SNX24: variants seen among roughly 807,000 people sequenced by gnomAD.
SNX24 encodes the protein sorting nexin-24.
Under a neutral mutation model 28.7 loss-of-function variants are expected in SNX24, and 22 were observed. That is an observed-to-expected ratio of 0.77 (90% confidence interval 0.55 to 1.10). The LOEUF is 1.10. SNX24 is among the 50% of genes least tolerant of loss of function. The probability of loss-of-function intolerance (pLI) is 0.00; values close to 1 mark genes in which losing one functional copy is unlikely to be tolerated. For missense variants in SNX24, 221 were observed against 201.1 expected, an observed-to-expected ratio of 1.10 and a Z score of -0.60; for synonymous variants, 69 against 71.5, an observed-to-expected ratio of 0.96 and a Z score of 0.18.
chr5:122,918,479 G>A (rs1172503299), intron 1 of SNX24, among the ~76,000 whole-genome samples: 1 of 152,104 alleles, frequency 6.6e-6, no homozygotes, highest in Non-Finnish European at 1.5e-5. Context: ...TATAACATTG[G>A]GTAGCACTTT....
chr5:122,988,319 G>A (rs532816764), intron 3 of SNX24, among the ~76,000 whole-genome samples: 3 of 152,264 alleles, frequency 2.0e-5, no homozygotes, highest in Admixed American at 6.5e-5. Flanking sequence ...TCAAAAACTT[G>A]ATCCTGAGAT....
At chr5:122,876,183 G>A (rs1484770784) in intron 1 of SNX24, among the ~76,000 whole-genome samples, 1 of 152,144 alleles carries the variant, frequency 6.6e-6, no homozygotes, top group East Asian at 1.9e-4. Flanking sequence ...AGATGAATAT[G>A]GGTAGGCAGT....
intron 1 of SNX24, among the ~76,000 whole-genome samples, chr5:122,894,767 T>C (rs1757129386): frequency 6.6e-6 from 1 of 152,228 alleles, no homozygotes; most frequent in Non-Finnish European, 1.5e-5. Flanking sequence ...AGTGGCGCAG[T>C]ACCTAGTAGG....
intron 1 of SNX24, among the ~76,000 whole-genome samples, chr5:122,869,712 C>T (rs980057442): frequency 1.3e-4 from 20 of 152,136 alleles, no homozygotes; most frequent in African/African-American, 4.3e-4. Flanking sequence ...TACGCTTTAT[C>T]TCATAATTTG....
chr5:122,933,622 A>G (rs1037688864), intron 1 of SNX24, among the ~76,000 whole-genome samples: 2 of 152,010 alleles, frequency 1.3e-5, no homozygotes, highest in Admixed American at 6.5e-5. Context: ...TATTTTGTGC[A>G]CTTATTTAAT....
chr5:122,855,402 C>G (rs1050829592), intron 1 of SNX24, among the ~76,000 whole-genome samples: 1 of 152,144 alleles, frequency 6.6e-6, no homozygotes, highest in African/African-American at 2.4e-5. Context: ...TTAAGTTTGC[C>G]CTATCAGTTG....
rs1758658088 is a variant in SNX24 at position 122,925,534 on chromosome 5, G to T, written c.61-11200G>T. ...CTGCTTTGGCCTCCCAAACTGCTGG[G>T]ATTAGAGATGTGAGCCACTGTGTCA... On this transcript the variant is annotated intron_variant, in intron 1 of 6. Transcript: ENST00000261369. Among the ~76,000 whole-genome samples, 3 of 152,118 alleles carry T rather than the reference G, an allele frequency of 2.0e-5. No individual in the cohort carries two copies. The South Asian group carries it at 6.2e-4, about 32-fold the overall frequency.
At chr5:122,933,681 T>A (rs886901847) in intron 1 of SNX24, among the ~76,000 whole-genome samples, 1 of 152,212 alleles carries the variant, frequency 6.6e-6, no homozygotes, top group Non-Finnish European at 1.5e-5. Context: ...TTACTCTATC[T>A]TGGCCAGAAG....
At chr5:122,964,385 A>C (rs147829417) in intron 3 of SNX24, among the ~76,000 whole-genome samples, 393 of 152,238 alleles carry the variant, frequency 2.6e-3, no homozygotes, top group Middle Eastern at 0.014. Context: ...GCATGTAGTA[A>C]GTAGAGGTAT....
At chr5:122,909,086 T>C (rs1049862151) in intron 1 of SNX24, among the ~76,000 whole-genome samples, 3 of 152,180 alleles carry the variant, frequency 2.0e-5, no homozygotes, top group Admixed American at 6.5e-5. Context: ...CATGCACTTA[T>C]TCCACATATG....
intron 2 of SNX24, among the ~76,000 whole-genome samples, chr5:122,941,654 C>T (rs117946997): frequency 6.6e-6 from 1 of 152,086 alleles, no homozygotes; most frequent in African/African-American, 2.4e-5. Flanking sequence ...AAGTAGGGAC[C>T]ATGTCCTGTC....
chr5:122,905,435 C>G (rs567728424), intron 1 of SNX24, among the ~76,000 whole-genome samples: 214 of 152,270 alleles, frequency 1.4e-3, no homozygotes, highest in African/African-American at 4.9e-3. Context: ...GAAATACAGG[C>G]TAATTTACTA....
At chr5:122,883,743 G>A (rs1242975105) in intron 1 of SNX24, among the ~76,000 whole-genome samples, 2 of 152,066 alleles carry the variant, frequency 1.3e-5, no homozygotes, top group African/African-American at 2.4e-5. Context: ...TTGAACTCCT[G>A]GGCTCAAGAG....
At chr5:122,860,228 G>T (rs908356283) in intron 1 of SNX24, among the ~76,000 whole-genome samples, 3 of 152,110 alleles carry the variant, frequency 2.0e-5, no homozygotes, top group African/African-American at 7.2e-5. Flanking sequence ...TTATGCCAGA[G>T]TCAGGTTGGA....
chr5:122,933,780 C>T (rs1286732299), intron 1 of SNX24, among the ~76,000 whole-genome samples: 2 of 151,690 alleles, frequency 1.3e-5, no homozygotes, highest in East Asian at 3.9e-4. Flanking sequence ...TCCTTGTCCA[C>T]CCACAGCCAG....
chr5:122,955,742 T>C (rs529234654), intron 3 of SNX24, among the ~76,000 whole-genome samples: 94 of 152,306 alleles, frequency 6.2e-4, no homozygotes, highest in Middle Eastern at 6.8e-3. Context: ...TTACTGCCAT[T>C]GGCCCTGGAA....
intron 3 of SNX24, among the ~76,000 whole-genome samples, chr5:122,976,130 TAAGGA>T (rs1761151028): frequency 1.3e-5 from 2 of 152,226 alleles, no homozygotes; most frequent in South Asian, 4.1e-4. Flanking sequence ...TGTATTCTGA[TAAGGA>T]AAGATGTCCA....
chr5:122,962,137 T>C (rs1030691834), intron 3 of SNX24, among the ~76,000 whole-genome samples: 5 of 152,212 alleles, frequency 3.3e-5, no homozygotes, highest in African/African-American at 1.2e-4. Flanking sequence ...ATAATTGTTC[T>C]ACTTAATTTC....
intron 3 of SNX24, among the ~76,000 whole-genome samples, chr5:122,994,702 G>T (rs1761990093): frequency 6.6e-6 from 1 of 152,044 alleles, no homozygotes; most frequent in Non-Finnish European, 1.5e-5. Context: ...TTGTTTTTCT[G>T]CCCCATGCAG....
Sources: allele counts gnomAD v4.1 joint callset (sites outside exome capture counted in the v4.1 genomes callset), GRCh38; gene constraint gnomAD v4.1.1; transcripts MANE v1.5; gene names NCBI Gene and HGNC (gene_info 2026-07-23, HGNC 2026-07-21).